The following GSTCD variants were observed in gnomAD, a reference collection of about 807,000 sequenced individuals.
The protein encoded by GSTCD is glutathione S-transferase C-terminal domain containing, also known as glutathione S-transferase C-terminal domain-containing protein.
In GSTCD, 44 loss-of-function variants were observed where a neutral mutation model predicts 68.3. The observed-to-expected ratio is 0.64, with a 90% CI of 0.51 to 0.83. The LOEUF (loss-of-function observed/expected upper bound fraction) is 0.83, where lower values mean the gene tolerates loss of function less well. Ranked by LOEUF, GSTCD falls within the 40% of genes least tolerant of loss-of-function variation. The pLI is 0.00. For synonymous variants in GSTCD, 273 were observed against 255.2 expected (o/e 1.07, Z -0.67); for missense variants, 739 against 735.9 (o/e 1.00, Z -0.05).
chr4:105,758,969 T>C (rs1734298734), intron 5 of GSTCD, among the ~76,000 whole-genome samples: 1 of 152,220 alleles, frequency 6.6e-6, no homozygotes, highest in Admixed American at 6.5e-5. Flanking sequence ...TTTTTGTCAA[T>C]TTGAATGAAT....
chr4:105,725,807 G>A (rs948527139), intron 3 of GSTCD, among the ~76,000 whole-genome samples: 2 of 151,902 alleles, frequency 1.3e-5, no homozygotes, highest in African/African-American at 2.4e-5. Context: ...TTAATCATAG[G>A]GAAATGCAAA....
At chr4:105,843,172 A>G (rs1724424317) in intron 11 of GSTCD, among the ~76,000 whole-genome samples, 1 of 152,212 alleles carries the variant, frequency 6.6e-6, no homozygotes, top group Admixed American at 6.5e-5. Context: ...AAACTCTAAA[A>G]TCAAAGGCAG....
intron 5 of GSTCD, among the ~76,000 whole-genome samples, chr4:105,812,251 A>T (rs1214430320): frequency 6.6e-6 from 1 of 152,250 alleles, no homozygotes; most frequent in Admixed American, 6.5e-5. Flanking sequence ...TCTAGAAAGT[A>T]TACCTTTAGC....
chr4:105,782,056 TACCTTGTACAAGGTCTGCA>T (rs1409904194), intron 5 of GSTCD, among the ~76,000 whole-genome samples: 2 of 152,214 alleles, frequency 1.3e-5, no homozygotes, highest in African/African-American at 4.8e-5. Flanking sequence ...TTCTTGCGCA[TACCTTGTACAAGGTCTGCA>T]ACCTCTGTAA....
At chr4:105,773,549 G>A (rs748198134) in intron 5 of GSTCD, among the ~76,000 whole-genome samples, 2 of 152,082 alleles carry the variant, frequency 1.3e-5, no homozygotes, top group African/African-American at 2.4e-5. Flanking sequence ...AGAGATTCTG[G>A]TACATTGTGC....
Position 105,847,452 on chromosome 4 carries a change from TTTATA to T in GSTCD, c.*1877_*1881del, listed in dbSNP as rs1198122287. ...CTTTCTTCTTTTAAGTGAGGTTTAA[TTTATA>T]TACAATACAATAACAGATTTTTAAG... On this transcript the variant is annotated 3_prime_UTR_variant, in exon 12 of 12. Coordinates refer to ENST00000515279, the MANE Select transcript of GSTCD (RefSeq NM_001370181.1). The T allele has an allele frequency of 6.6e-6, 1 of 152,196 alleles. No homozygotes were observed. The highest frequency in any genetic ancestry group is 1.5e-5 in the Non-Finnish European group (1 of 68,028). The allele number at this position is 152,196 out of a possible 1,614,324, so 9.4% of individuals were successfully genotyped here.
chr4:105,769,233 GCA>G (rs57039503), intron 5 of GSTCD, among the ~76,000 whole-genome samples: 10,460 of 146,180 alleles, frequency 0.072, 379 homozygotes, highest in Middle Eastern at 0.11. Context: ...ATACACGCGC[GCA>G]CACACACACA....
At chr4:105,766,222 C>T (rs1027793857) in intron 5 of GSTCD, among the ~76,000 whole-genome samples, 1 of 152,096 alleles carries the variant, frequency 6.6e-6, no homozygotes, top group Non-Finnish European at 1.5e-5. Context: ...TTACTGAAAC[C>T]CAGGAGCTGA....
chr4:105,824,463 T>G (rs922842965), intron 7 of GSTCD, among the ~76,000 whole-genome samples: 1 of 152,140 alleles, frequency 6.6e-6, no homozygotes, highest in Non-Finnish European at 1.5e-5. Flanking sequence ...TAGAATAAAG[T>G]CAGGAAAGCC....
At chr4:105,740,761 C>T (rs1478016652) in intron 5 of GSTCD, among the ~76,000 whole-genome samples, 1 of 151,834 alleles carries the variant, frequency 6.6e-6, no homozygotes, top group African/African-American at 2.4e-5. Flanking sequence ...ATTTTTGTTC[C>T]AACTCTCCAA....
chr4:105,799,345 C>T (rs1198485232), intron 5 of GSTCD, among the ~76,000 whole-genome samples: 1 of 152,172 alleles, frequency 6.6e-6, no homozygotes, highest in Non-Finnish European at 1.5e-5. Flanking sequence ...TCTTTGCATT[C>T]ATATCTTGGC....
At chr4:105,800,385 G>C (rs1044508658) in intron 5 of GSTCD, among the ~76,000 whole-genome samples, 3 of 152,100 alleles carry the variant, frequency 2.0e-5, no homozygotes, top group African/African-American at 4.8e-5. Context: ...GGGAATTGTG[G>C]GAGTTATAAT....
intron 5 of GSTCD, among the ~76,000 whole-genome samples, chr4:105,817,414 A>C (rs1723052111): frequency 6.6e-6 from 1 of 151,858 alleles, no homozygotes; most frequent in African/African-American, 2.4e-5. Context: ...ATATAACAAA[A>C]TTATAAGAGT....
chr4:105,844,030 G>A (rs1249599709), intron 11 of GSTCD, among the ~76,000 whole-genome samples: 10 of 152,114 alleles, frequency 6.6e-5, no homozygotes, highest in Admixed American at 6.5e-4. Flanking sequence ...ACTATCAGCA[G>A]CTAAATTTCA....
chr4:105,834,392 T>G lies in GSTCD; in HGVS notation c.1531-69T>G, dbSNP rs552955449. ...TTGGTATGGCCAAATGAGAACTATT[T>G]AAAAGGCATAAAAATTGCACTGTGA... is the stretch of plus-strand genomic sequence containing the variant. On this transcript the variant is annotated intron_variant, in intron 8 of 11. Coordinates refer to ENST00000515279, the MANE Select transcript of GSTCD (RefSeq NM_001370181.1). 19 of 1,494,810 alleles carry G rather than the reference T, an allele frequency of 1.3e-5. No homozygotes were observed. In the African/African-American group the frequency reaches 2.3e-4, roughly 18 times the overall value. The allele number at this position is 1,494,810 out of a possible 1,614,324, so 92.6% of individuals were successfully genotyped here.
intron 8 of GSTCD, among the ~76,000 whole-genome samples, chr4:105,834,260 A>C (rs571908166): frequency 4.6e-5 from 7 of 152,358 alleles, no homozygotes; most frequent in East Asian, 3.9e-4. Context: ...AATTGCATCA[A>C]ATTTTCCGTT....
At chr4:105,823,650 C>G (rs1408248359) in intron 7 of GSTCD, 1 of 153,310 alleles carries the variant, frequency 6.5e-6, no homozygotes, top group African/African-American at 2.5e-5. Flanking sequence ...GATTTTGATC[C>G]ATTGCATCAA....
At chr4:105,776,138 A>G (rs1163204859) in intron 5 of GSTCD, among the ~76,000 whole-genome samples, 2 of 152,112 alleles carry the variant, frequency 1.3e-5, no homozygotes, top group Non-Finnish European at 2.9e-5. Flanking sequence ...GGCTTTGTTT[A>G]TACTGCGAGG....
chr4:105,773,255 T>C (rs1734925885), intron 5 of GSTCD, among the ~76,000 whole-genome samples: 1 of 152,184 alleles, frequency 6.6e-6, no homozygotes, highest in African/African-American at 2.4e-5. Context: ...CTTTTCTTCT[T>C]TATTAGTCTG....
Sources: allele counts gnomAD v4.1 joint callset (sites outside exome capture counted in the v4.1 genomes callset), GRCh38; gene constraint gnomAD v4.1.1; transcripts MANE v1.5; gene names NCBI Gene and HGNC (gene_info 2026-07-23, HGNC 2026-07-21).